Variants in PRPF31 observed in about 807,000 individuals in gnomAD.
The protein encoded by PRPF31 is pre-mRNA processing factor 31.
Under a neutral mutation model 60.4 loss-of-function variants are expected in PRPF31, and 12 were observed. The observed-to-expected ratio is 0.20, with a 90% confidence interval of 0.13 to 0.32. PRPF31 has a LOEUF of 0.32. Ranked by LOEUF, PRPF31 falls within the 10% of genes least tolerant of loss-of-function variation. PRPF31 has a pLI of 1.00. For synonymous variants in PRPF31, 287 were observed against 287.9 expected, an observed-to-expected ratio of 1.00 and a Z score of 0.03; for missense variants, 431 against 687.1, an observed-to-expected ratio of 0.63 and a Z score of 4.17.
intron 13 of PRPF31, 113 bp downstream of exon 13, chr19:54,129,483 G>A (rs1206768951): frequency 7.6e-7 from 1 of 1,322,564 alleles, no homozygotes; most frequent in South Asian, 1.3e-5. Context: ...TGTTGTGGAG[G>A]GTGTGGTGAC....
Position 54,131,558 on chromosome 19 carries a change from C to T in PRPF31, c.*126C>T. Reference sequence around the variant, plus strand: ...CCACTGGCCCCATTGCTGGGACTGCCCAGGGAGGAGGCCTTGGAAGAGTCC... The same window carrying T: ...CCACTGGCCCCATTGCTGGGACTGCTCAGGGAGGAGGCCTTGGAAGAGTCC... On this transcript the variant is annotated 3_prime_UTR_variant, in exon 14 of 14. Coordinates refer to ENST00000321030, the MANE Select transcript of PRPF31 (RefSeq NM_015629.4). 6.9e-7 allele frequency: 1 copy of T among 1,444,108 alleles called. No individual in the cohort carries two copies. The highest frequency in any genetic ancestry group is 1.2e-5 in the South Asian group (1 of 82,412). The allele number at this position is 1,444,108 out of a possible 1,614,324, so 89.5% of individuals were successfully genotyped here. A position where few individuals can be genotyped will look rare whatever the true frequency, so the allele number is the denominator to read the frequency against.
At chr19:54,116,476 G>A (rs1403191338) in intron 1 of PRPF31, among the ~76,000 whole-genome samples, 1 of 152,194 alleles carries the variant, frequency 6.6e-6, no homozygotes, top group South Asian at 2.1e-4. Context: ...AAAGTGCTGG[G>A]ATTACAGGCA....
rs1056428804 is a variant in PRPF31, at chr19:54,127,923, A to G, written c.946-150A>G. On this transcript the variant is annotated intron_variant, in intron 9 of 13. Coordinates refer to ENST00000321030, the MANE Select transcript of PRPF31 (RefSeq NM_015629.4). ...CTGCGTCTAGCGGTGCTAAGTCAAC[A>G]CCAAGAAGAAAAAGAAAGGGGGTGG... 54 of 1,148,086 alleles carry G rather than the reference A, an allele frequency of 4.7e-5. No individual in the cohort carries two copies. The African/African-American group carries it at 7.9e-4, about 17-fold the overall frequency. The allele number at this position is 1,148,086 out of a possible 1,614,324, so 71.1% of individuals were successfully genotyped here. A position where few individuals can be genotyped will look rare whatever the true frequency, so the allele number is the denominator to read the frequency against.
intron 9 of PRPF31, among the ~76,000 whole-genome samples, chr19:54,127,627 C>G (rs1221771778): frequency 2.6e-5 from 4 of 152,222 alleles, no homozygotes; most frequent in African/African-American, 9.7e-5. Context: ...GGATGTTATT[C>G]AAGTAATTAT....
At chr19:54,127,202 G>A (rs1157512845) in intron 9 of PRPF31, among the ~76,000 whole-genome samples, 2 of 152,218 alleles carry the variant, frequency 1.3e-5, no homozygotes, top group Non-Finnish European at 2.9e-5. Flanking sequence ...CTGGGCTGAA[G>A]TCAGGGTGTC....
chr19:54,121,810 GA>G (rs1460307645), intron 3 of PRPF31, 49 bp from the exon 4 acceptor site: 1 of 1,545,352 alleles, frequency 6.5e-7, no homozygotes, highest in Admixed American at 1.9e-5. Flanking sequence ...CGGGACCCGA[GA>G]GGGGGTAGGG....
rs12977981 is a variant in PRPF31, at chr19:54,128,001, G to T, written c.946-72G>T. On this transcript the variant is annotated intron_variant, in intron 9 of 13. Coordinates refer to ENST00000321030, the MANE Select transcript of PRPF31 (RefSeq NM_015629.4). Reference sequence around the variant, plus strand: ...AACTAAGGCACGTGGATACTCGGGGGGCCCGCTCAGAGGAGGCCTGGGTGG... The same window carrying T: ...AACTAAGGCACGTGGATACTCGGGGTGCCCGCTCAGAGGAGGCCTGGGTGG... 0.35 allele frequency: 537,617 copies of T among 1,544,266 alleles called. 95,397 individuals are homozygous for T. The highest frequency in any genetic ancestry group is 0.38 in the Middle Eastern group (1,670 of 4,360).
rs1273744687 is a variant in PRPF31 at position 54,128,267 on chromosome 19, A to G, written c.1074-38A>G. On this transcript the variant is annotated intron_variant, in intron 10 of 13. Transcript: ENST00000321030. The stretch of plus-strand genomic sequence containing the variant: ...GGGGAGAAGCCGGCGTCCTCCTCCC[A>G]GCCGACTCCCTGGCGCCGCCCACCC... 4.5e-6 allele frequency: 7 copies of G among 1,554,352 alleles called. No individual in the cohort carries two copies. The East Asian group carries it at 1.7e-4, about 37-fold the overall frequency.
intron 8 of PRPF31, 22 bp from the exon 9 acceptor site, chr19:54,126,506 C>T (rs373774402): frequency 1.2e-6 from 2 of 1,607,160 alleles, no homozygotes; most frequent in Non-Finnish European, 1.7e-6. Context: ...ACAGATTCCA[C>T]CCCCGTTTTC....
At chr19:54,121,707 A>T in intron 3 of PRPF31, 153 bp from the exon 4 acceptor site, 8 of 745,572 alleles carry the variant, frequency 1.1e-5, no homozygotes, top group Non-Finnish European at 1.6e-5. Context: ...ACACAAGTTC[A>T]GGGATGTCTG....
At chr19:54,129,651 GT>G (rs2074007097) in intron 13 of PRPF31, among the ~76,000 whole-genome samples, 1 of 132,520 alleles carries the variant, frequency 7.5e-6, no homozygotes. Flanking sequence ...CTGTGAGCGG[GT>G]AACACTGCTC....
chr19:54,129,937 G>A (rs2074013080), intron 13 of PRPF31, among the ~76,000 whole-genome samples: 1 of 152,108 alleles, frequency 6.6e-6, no homozygotes, highest in African/African-American at 2.4e-5. Flanking sequence ...GCTGAGTTCT[G>A]TCAGTGTTCC....
At chr19:54,128,229 TG>T in intron 10 of PRPF31, 29 bp downstream of exon 10, 1 of 1,566,312 alleles carries the variant, frequency 6.4e-7, no homozygotes, top group Non-Finnish European at 8.6e-7. Flanking sequence ...CCGGTAGGCA[TG>T]GGGGTCATGG....
chr19:54,128,920 G>A (rs868273949), intron 11 of PRPF31, 137 bp from the exon 12 acceptor site: 51 of 903,368 alleles, frequency 5.6e-5, no homozygotes, highest in South Asian at 1.0e-4. Flanking sequence ...CAGCCGGGCC[G>A]AGTGGGTACC....
chr19:54,124,324 C>A, intron 7 of PRPF31, 175 bp from the exon 8 acceptor site: 1 of 709,414 alleles, frequency 1.4e-6, no homozygotes, highest in Non-Finnish European at 2.4e-6. Flanking sequence ...GCCTCCTTTG[C>A]ATCTGCCCCT....
intron 9 of PRPF31, 50 bp from the exon 10 acceptor site, chr19:54,128,023 G>A: frequency 6.5e-7 from 1 of 1,548,048 alleles, no homozygotes; most frequent in Non-Finnish European, 8.7e-7. Flanking sequence ...GGAGGCCTGG[G>A]TGGGCAGCCC....
chr19:54,118,889 C>G (rs1241797120), intron 3 of PRPF31: 1 of 542,014 alleles, frequency 1.8e-6, no homozygotes, highest in African/African-American at 1.9e-5. Flanking sequence ...CCAGACTTCA[C>G]TGATTCACAT....
chr19:54,124,777 C>G, intron 8 of PRPF31, 121 bp downstream of exon 8: 1 of 1,228,376 alleles, frequency 8.1e-7, no homozygotes, highest in Non-Finnish European at 1.2e-6. Context: ...GAGCTGGGAA[C>G]AGGGTGGCAT....
Position 54,123,507 on chromosome 19 carries a change from C to T in PRPF31, c.474C>T (p.Ile158=). ...KCKNNENLQQ[I]LTNATIMVVS... is the part of the protein sequence containing the mutation. Reference sequence around the variant, plus strand: ...AGAACAATGAGAACCTGCAGCAGATCCTCACCAATGCCACCATCATGGTCG... The same window carrying T: ...AGAACAATGAGAACCTGCAGCAGATTCTCACCAATGCCACCATCATGGTCG... Residue 158 remains isoleucine, a synonymous_variant, in exon 6 of 14, where the codon ATC becomes ATT. Coordinates refer to ENST00000321030, the MANE Select transcript of PRPF31 (RefSeq NM_015629.4). The T allele has an allele frequency of 6.2e-7, 1 of 1,614,212 alleles. No individual in the cohort carries two copies. Among genetic ancestry groups the T allele is most frequent in the Non-Finnish European group, 8.5e-7 (1 of 1,180,040 alleles).
Sources: allele counts gnomAD v4.1 joint callset (sites outside exome capture counted in the v4.1 genomes callset), GRCh38; gene constraint gnomAD v4.1.1; transcripts MANE v1.5; gene names NCBI Gene and HGNC (gene_info 2026-07-23, HGNC 2026-07-21).